Variants in CREB3L2 observed in about 807,000 individuals in gnomAD.
CREB3L2 encodes cAMP responsive element binding protein 3 like 2.
Under a neutral mutation model 57.2 loss-of-function variants are expected in CREB3L2, and 23 were observed. That is an observed-to-expected ratio of 0.40 (90% CI 0.29 to 0.57). CREB3L2 has a LOEUF of 0.57. CREB3L2 is among the 20% of genes least tolerant of loss of function. The pLI, the probability that CREB3L2 is intolerant of heterozygous loss-of-function variation, is 0.42. For missense variants in CREB3L2, 628 were observed against 634.7 expected, an observed-to-expected ratio of 0.99 and a Z score of 0.11; for synonymous variants, 268 against 265.1, an observed-to-expected ratio of 1.01 and a Z score of -0.11.
intron 1 of CREB3L2, among the ~76,000 whole-genome samples, chr7:137,987,193 C>T (rs968774829): frequency 2.0e-5 from 3 of 152,276 alleles, no homozygotes; most frequent in East Asian, 3.9e-4. Context: ...CTACAAAGAT[C>T]GGAGTCAGGT....
chr7:137,957,906 A>C (rs1164213744), intron 1 of CREB3L2: 1 of 551,934 alleles, frequency 1.8e-6, no homozygotes, highest in East Asian at 6.9e-5. Flanking sequence ...TTTGGTCCCA[A>C]GGGAATAATG....
At chr7:137,901,107 T>C (rs983016750) in intron 8 of CREB3L2, among the ~76,000 whole-genome samples, 1 of 152,186 alleles carries the variant, frequency 6.6e-6, no homozygotes. Flanking sequence ...CATATGTGTA[T>C]TGTGGATGTG....
Position 137,880,341 on chromosome 7 carries a change from C to T in CREB3L2, c.*135G>A. 1 of 717,810 alleles carries T rather than the reference C, an allele frequency of 1.4e-6. No homozygotes were observed. The highest frequency in any genetic ancestry group is 2.5e-6 in the Non-Finnish European group (1 of 405,612). 44.5% of individuals were successfully genotyped at this position (717,810 alleles called of 1,614,324 possible). The stretch of plus-strand genomic sequence containing the variant: ...CACTGCAGGGAAGTCCCAGGCTGGT[C>T]TCCAATCTGAAGCCACTAATGCTTG... On this transcript the variant is annotated 3_prime_UTR_variant, in exon 12 of 12. Transcript: ENST00000330387. This position sits in a 1 kb window ranked among gnomAD's most constrained non-coding sequence, Gnocchi z 4.0.
intron 1 of CREB3L2, among the ~76,000 whole-genome samples, chr7:137,990,171 G>A (rs1388220005): frequency 1.3e-5 from 2 of 152,132 alleles, no homozygotes; most frequent in African/African-American, 4.8e-5. Context: ...ACTCCCCATA[G>A]AGCACCCTAC....
intron 2 of CREB3L2, among the ~76,000 whole-genome samples, chr7:137,923,211 T>C (rs887612186): frequency 1.3e-5 from 2 of 152,324 alleles, no homozygotes; most frequent in Non-Finnish European, 2.9e-5. Context: ...AATGTGAACA[T>C]TGCTTTCTTA....
At chr7:137,967,984 C>T (rs1029581567) in intron 1 of CREB3L2, among the ~76,000 whole-genome samples, 4 of 152,226 alleles carry the variant, frequency 2.6e-5, no homozygotes, top group Non-Finnish European at 4.4e-5. Context: ...GTAGGTTATA[C>T]TCTTCCCATT....
chr7:137,997,197 T>C (rs1802001258), intron 1 of CREB3L2, among the ~76,000 whole-genome samples: 1 of 152,174 alleles, frequency 6.6e-6, no homozygotes, highest in South Asian at 2.1e-4. Context: ...AGTCCAGTTT[T>C]ACATGGTGCC....
chr7:137,955,330 T>C (rs1219663398), intron 1 of CREB3L2: 2 of 1,289,046 alleles, frequency 1.6e-6, no homozygotes, highest in South Asian at 1.2e-5. Context: ...GGTCGCATCC[T>C]GGTTTGGTAA....
chr7:137,982,349 C>T (rs938974993), intron 1 of CREB3L2, among the ~76,000 whole-genome samples: 1 of 152,122 alleles, frequency 6.6e-6, no homozygotes, highest in South Asian at 2.1e-4. Context: ...TCCTTGGGAA[C>T]CTTATGAAAC....
Position 137,879,168 on chromosome 7 carries a change from T to TAAAAAAAA in CREB3L2, c.*1300_*1307dup. The TAAAAAAAA allele has an allele frequency of 2.2e-6, 1 of 445,986 alleles. No homozygotes were observed. The highest frequency in any genetic ancestry group is 4.3e-6 in the Non-Finnish European group (1 of 231,066). 27.6% of individuals were successfully genotyped at this position (445,986 alleles called of 1,614,324 possible). ...AAACTACAAAAGTTACTTTTAACCA[T>TAAAAAAAA]AAAAAAAAAACAAAAAAACTAAAAG... On this transcript the variant is annotated 3_prime_UTR_variant, in exon 12 of 12. Transcript: ENST00000330387.
intron 1 of CREB3L2, among the ~76,000 whole-genome samples, chr7:137,993,755 C>T (rs1034505765): frequency 1.3e-5 from 2 of 152,208 alleles, no homozygotes; most frequent in Non-Finnish European, 2.9e-5. Context: ...CTGCCTCACT[C>T]TACTTAACTA....
At chr7:137,929,556 A>AAAT (rs1201343871) in intron 1 of CREB3L2, among the ~76,000 whole-genome samples, 5 of 151,978 alleles carry the variant, frequency 3.3e-5, no homozygotes, top group South Asian at 2.1e-4. Flanking sequence ...ACTATATTAG[A>AAAT]AATAATAATA....
At chr7:137,904,751 A>T (rs951364366) in intron 6 of CREB3L2, among the ~76,000 whole-genome samples, 4 of 151,706 alleles carry the variant, frequency 2.6e-5, no homozygotes, top group Non-Finnish European at 5.9e-5. Context: ...AGGTAGGAGA[A>T]TCACTTGAAC....
intron 10 of CREB3L2, among the ~76,000 whole-genome samples, chr7:137,883,322 A>G (rs941535594): frequency 2.0e-5 from 3 of 152,222 alleles, no homozygotes; most frequent in African/African-American, 7.2e-5. Context: ...ACGTTTCAAG[A>G]TGGCAAAATT....
chr7:137,923,444 T>A (rs1800380070), intron 2 of CREB3L2, among the ~76,000 whole-genome samples: 1 of 152,140 alleles, frequency 6.6e-6, no homozygotes, highest in Admixed American at 6.5e-5. Context: ...ACTGTCAGGT[T>A]CTCTCTTTGG....
intron 1 of CREB3L2, among the ~76,000 whole-genome samples, chr7:137,982,510 G>A (rs117048536): frequency 6.6e-6 from 1 of 152,238 alleles, no homozygotes; most frequent in Non-Finnish European, 1.5e-5. Flanking sequence ...AATCATGGGG[G>A]TGGGTCTTTC....
intron 1 of CREB3L2, among the ~76,000 whole-genome samples, chr7:137,961,202 G>T (rs937456587): frequency 8.8e-6 from 1 of 114,020 alleles, no homozygotes; most frequent in Non-Finnish European, 1.7e-5. Context: ...ACTGGGGGGT[G>T]GGGGGTGGGG....
chr7:137,937,482 T>A (rs1299544081), intron 1 of CREB3L2, among the ~76,000 whole-genome samples: 1 of 151,962 alleles, frequency 6.6e-6, no homozygotes, highest in Non-Finnish European at 1.5e-5. Flanking sequence ...CTCACACAAG[T>A]ACCCTGCACA....
At chr7:137,956,558 T>C (rs1417167616) in intron 1 of CREB3L2, 1 of 1,271,898 alleles carries the variant, frequency 7.9e-7, no homozygotes. Flanking sequence ...AAACTGCCAT[T>C]GCACTCTCTA....
Sources: gnomAD v4.1 joint callset for allele counts (sites outside exome capture counted in the v4.1 genomes callset) on GRCh38, gnomAD v4.1.1 for gene constraint, Gnocchi (gnomAD v3.1) non-coding constraint, MANE v1.5 for transcripts, NCBI Gene and HGNC (gene_info 2026-07-23, HGNC 2026-07-21) for gene names.